The following ZFHX3 variants were observed in gnomAD, a reference collection of about 807,000 sequenced individuals.
ZFHX3 encodes zinc finger homeobox 3.
Under a neutral mutation model 279.1 loss-of-function variants are expected in ZFHX3, and 42 were observed. That is an observed-to-expected ratio of 0.15 (90% CI 0.12 to 0.19). The LOEUF (loss-of-function observed/expected upper bound fraction) is 0.19. ZFHX3 is among the 10% of genes least tolerant of loss of function. The pLI is 1.00. For missense variants in ZFHX3, 4,981 were observed against 4,754.0 expected, an observed-to-expected ratio of 1.05 and a Z score of -1.40; for synonymous variants, 2,293 against 1,957.8, an observed-to-expected ratio of 1.17 and a Z score of -4.52.
At chr16:73,373,562 C>T (rs955800718) in intron 3 of ZFHX3, among the ~76,000 whole-genome samples, 4 of 152,162 alleles carry the variant, frequency 2.6e-5, no homozygotes, top group Admixed American at 2.0e-4. Flanking sequence ...GCCAGAAAAC[C>T]GAGCTACCAC....
chr16:73,779,012 C>G (rs1959357512), intron 1 of ZFHX3, among the ~76,000 whole-genome samples: 4 of 152,204 alleles, frequency 2.6e-5, no homozygotes, highest in Admixed American at 2.6e-4. Flanking sequence ...TTCATCTGCT[C>G]TAGAATAAGC....
chr16:73,891,517 G>C (rs2030537647), intron 1 of ZFHX3: 1 of 152,232 alleles, frequency 6.6e-6, no homozygotes, highest in Non-Finnish European at 1.5e-5. Flanking sequence ...GAGGGGGAGA[G>C]AGGACATATG....
intron 4 of ZFHX3, among the ~76,000 whole-genome samples, chr16:73,272,247 A>AT (rs1255580243): frequency 6.6e-6 from 1 of 152,172 alleles, no homozygotes; most frequent in African/African-American, 2.4e-5. Context: ...TAGGTTGCAG[A>AT]TTTTTTTAAA....
At chr16:72,853,267 G>A (rs527902013) in intron 4 of ZFHX3, among the ~76,000 whole-genome samples, 20 of 152,350 alleles carry the variant, frequency 1.3e-4, no homozygotes, top group African/African-American at 4.6e-4. Flanking sequence ...GGGTGATTAT[G>A]ATCAAGGTTC....
At chr16:73,089,728 T>C (rs994698539) in intron 8 of ZFHX3, among the ~76,000 whole-genome samples, 3 of 152,214 alleles carry the variant, frequency 2.0e-5, no homozygotes, top group African/African-American at 4.8e-5. Context: ...TGAGGCACCA[T>C]GCTGCCCTGG....
chr16:72,902,004 C>CTT (rs2039049971), intron 3 of ZFHX3, among the ~76,000 whole-genome samples: 3 of 152,182 alleles, frequency 2.0e-5, no homozygotes. Context: ...TTAAATCAAC[C>CTT]AGCAAGCGCA....
At chr16:72,863,340 T>TAAAAAAAAAAAA (rs66692129) in intron 4 of ZFHX3, among the ~76,000 whole-genome samples, 3 of 64,630 alleles carry the variant, frequency 4.6e-5, no homozygotes, top group African/African-American at 2.2e-4. Context: ...TCATCTCTAC[T>TAAAAAAAAAAAA]AAAAAAAAAA....
At position 73,872,064 on chromosome 16, in the gene ZFHX3, T is replaced by C. The variant is rs118086644; in HGVS notation, c.-1608+19587A>G. 7.7e-4 allele frequency among the ~76,000 whole-genome samples: 118 copies of C among 152,304 alleles called. No homozygotes were observed. The East Asian group carries it at 0.022, about 28-fold the overall frequency. On this transcript the variant is annotated intron_variant, in intron 1 of 17. Transcript: ENST00000641206. ...TGCGATCAATATTCACATTTTGAAT[T>C]GTAAGTGAATGATTGGATGGAATGT...
chr16:73,715,210 T>A (rs1453591180), intron 1 of ZFHX3, among the ~76,000 whole-genome samples: 1 of 152,104 alleles, frequency 6.6e-6, no homozygotes, highest in Non-Finnish European at 1.5e-5. Flanking sequence ...GACCTCAACA[T>A]GGGTTGAGAC....
intron 1 of ZFHX3, among the ~76,000 whole-genome samples, chr16:73,822,402 G>T (rs928131855): frequency 6.6e-6 from 1 of 152,114 alleles, no homozygotes; most frequent in African/African-American, 2.4e-5. Flanking sequence ...ATTCACCATG[G>T]TCTGACTTTT....
chr16:73,502,955 G>A (rs1016779198), intron 2 of ZFHX3, among the ~76,000 whole-genome samples: 1 of 152,158 alleles, frequency 6.6e-6, no homozygotes, highest in Admixed American at 6.5e-5. Context: ...CTCTAACCAC[G>A]ATGGCAATCC....
At position 73,875,676 on chromosome 16, in the gene ZFHX3, A is replaced by G. The variant is rs968487964; in HGVS notation, c.-1608+15975T>C. On this transcript the variant is annotated intron_variant, in intron 1 of 17. Coordinates refer to the ZFHX3 transcript ENST00000641206. Reference sequence around the variant, plus strand: ...TAATAATAGCAGCAAACATTCTGGCATTATTCATTTGGTTTCTCCAAAGTG... The same window carrying G: ...TAATAATAGCAGCAAACATTCTGGCGTTATTCATTTGGTTTCTCCAAAGTG... 2.6e-5 allele frequency among the ~76,000 whole-genome samples: 4 copies of G among 152,200 alleles called. No homozygotes were observed. In the East Asian group the frequency reaches 7.7e-4, roughly 29 times the overall value.
intron 2 of ZFHX3, among the ~76,000 whole-genome samples, chr16:73,581,632 T>C (rs2051861084): frequency 6.6e-6 from 1 of 150,402 alleles, no homozygotes; most frequent in African/African-American, 2.5e-5. Context: ...TCCATATCAC[T>C]GGTCAAGCAT....
At chr16:73,745,565 C>A (rs181421563) in intron 1 of ZFHX3, among the ~76,000 whole-genome samples, 1 of 152,304 alleles carries the variant, frequency 6.6e-6, no homozygotes, top group Admixed American at 6.5e-5. Flanking sequence ...TAAAATTCAA[C>A]TTTACAAAAT....
chr16:73,442,618 G>A (rs2018114141), intron 3 of ZFHX3, among the ~76,000 whole-genome samples: 1 of 152,192 alleles, frequency 6.6e-6, no homozygotes, highest in Admixed American at 6.5e-5. Flanking sequence ...ATTCCGAATA[G>A]AATTCCCAGT....
chr16:73,039,485 G>A (rs527943961), intron 1 of ZFHX3, among the ~76,000 whole-genome samples: 1 of 152,262 alleles, frequency 6.6e-6, no homozygotes, highest in Admixed American at 6.5e-5. Context: ...GCCTCCCCAA[G>A]GGACAGTGGG....
intron 3 of ZFHX3, among the ~76,000 whole-genome samples, chr16:73,405,324 G>A (rs1225290009): frequency 1.3e-5 from 2 of 152,150 alleles, no homozygotes; most frequent in Admixed American, 6.5e-5. Context: ...AGGCTTAGCT[G>A]TACTACTTTC....
chr16:73,236,198 A>G (rs2012943415), intron 5 of ZFHX3, among the ~76,000 whole-genome samples: 1 of 152,218 alleles, frequency 6.6e-6, no homozygotes, highest in African/African-American at 2.4e-5. Context: ...GGGAAATGCT[A>G]ATTTAAAACA....
At chr16:73,585,436 C>G (rs2051915146) in intron 2 of ZFHX3, among the ~76,000 whole-genome samples, 1 of 152,100 alleles carries the variant, frequency 6.6e-6, no homozygotes. Flanking sequence ...AAAACACACA[C>G]TGGGGCTTGT....
Sources: allele counts gnomAD v4.1 joint callset (sites outside exome capture counted in the v4.1 genomes callset), GRCh38; gene constraint gnomAD v4.1.1; transcripts MANE v1.5; gene names NCBI Gene and HGNC (gene_info 2026-07-23, HGNC 2026-07-21).